The following EDAR variants were observed in gnomAD, a reference collection of about 807,000 sequenced individuals.
EDAR encodes the protein ectodysplasin A receptor.
Under a neutral mutation model 51.3 loss-of-function variants are expected in EDAR, and 38 were observed. The ratio of observed to expected loss-of-function variants is 0.74; its 90% confidence interval spans 0.57 to 0.97. The LOEUF (loss-of-function observed/expected upper bound fraction) is 0.97, where lower values mean the gene tolerates loss of function less well. Ranked by LOEUF, EDAR falls within the 50% of genes least tolerant of loss-of-function variation. EDAR has a pLI of 0.00. For synonymous variants in EDAR, 227 were observed against 242.1 expected, an observed-to-expected ratio of 0.94 and a Z score of 0.58; for missense variants, 528 against 595.0, an observed-to-expected ratio of 0.89 and a Z score of 1.17.
At chr2:108,974,935 G>A (rs1470585054) in intron 1 of EDAR, among the ~76,000 whole-genome samples, 1 of 152,162 alleles carries the variant, frequency 6.6e-6, no homozygotes, top group Non-Finnish European at 1.5e-5. Flanking sequence ...CAGGGCTCTG[G>A]TGGAGATTCA....
chr2:108,961,769 G>A (rs1295516805), intron 1 of EDAR, among the ~76,000 whole-genome samples: 1 of 152,134 alleles, frequency 6.6e-6, no homozygotes, highest in African/African-American at 2.4e-5. Context: ...ATCAGCCCAT[G>A]TGTTGGGTCT....
intron 1 of EDAR, among the ~76,000 whole-genome samples, chr2:108,979,175 G>A (rs1017969933): frequency 2.0e-5 from 3 of 152,196 alleles, no homozygotes; most frequent in Admixed American, 6.5e-5. Context: ...CACTGCCCGA[G>A]TACTTGACCC....
intron 5 of EDAR, among the ~76,000 whole-genome samples, chr2:108,917,314 G>A (rs1251954328): frequency 3.3e-5 from 5 of 152,160 alleles, no homozygotes; most frequent in African/African-American, 7.2e-5. Context: ...AAGTCCAGCC[G>A]GGCAGGAGGA....
At chr2:108,919,460 G>A (rs1475927082) in intron 5 of EDAR, among the ~76,000 whole-genome samples, 2 of 152,152 alleles carry the variant, frequency 1.3e-5, no homozygotes, top group Non-Finnish European at 2.9e-5. Flanking sequence ...CCAGGTTCCA[G>A]TGATTCTCCT....
At chr2:108,925,196 C>T (rs1421846927) in intron 4 of EDAR, among the ~76,000 whole-genome samples, 2 of 151,900 alleles carry the variant, frequency 1.3e-5, no homozygotes, top group East Asian at 1.9e-4. Context: ...CGTCTCTATT[C>T]CTTGGACCTT....
chr2:108,930,691 A>G, intron 2 of EDAR, among the ~76,000 whole-genome samples: 1 of 152,074 alleles, frequency 6.6e-6, no homozygotes, highest in Non-Finnish European at 1.5e-5. Context: ...CATCACATAG[A>G]CACAGGGCTG....
chr2:108,973,730 A>G (rs569754955), intron 1 of EDAR, among the ~76,000 whole-genome samples: 1 of 152,354 alleles, frequency 6.6e-6, no homozygotes, highest in South Asian at 2.1e-4. Flanking sequence ...CAAAACCTGG[A>G]AATTTTTTGG....
At chr2:108,947,769 C>T (rs180862919) in intron 1 of EDAR, among the ~76,000 whole-genome samples, 29 of 152,270 alleles carry the variant, frequency 1.9e-4, no homozygotes, top group South Asian at 1.0e-3. Flanking sequence ...CCCAGGCCTC[C>T]GGGTCTGTGG....
intron 1 of EDAR, among the ~76,000 whole-genome samples, chr2:108,967,337 T>A (rs1352904883): frequency 6.6e-6 from 1 of 152,148 alleles, no homozygotes; most frequent in Non-Finnish European, 1.5e-5. Context: ...AGGCTAGAAT[T>A]TTTTTTACTT....
intron 1 of EDAR, among the ~76,000 whole-genome samples, chr2:108,942,059 C>T (rs965285777): frequency 5.9e-5 from 9 of 152,212 alleles, no homozygotes; most frequent in Non-Finnish European, 1.2e-4. Flanking sequence ...GGGCTTCTTC[C>T]GGAACCTGTG....
At chr2:108,920,239 G>A (rs1043902334) in intron 5 of EDAR, among the ~76,000 whole-genome samples, 2 of 152,180 alleles carry the variant, frequency 1.3e-5, no homozygotes, top group South Asian at 2.1e-4. Flanking sequence ...CACATGCATC[G>A]CCCACGTCAT....
intron 1 of EDAR, among the ~76,000 whole-genome samples, chr2:108,963,108 G>A (rs1427492441): frequency 6.6e-5 from 10 of 152,152 alleles, no homozygotes; most frequent in Admixed American, 6.5e-5. Context: ...TGCAGAGGCC[G>A]CAAACTGCTG....
At chr2:108,983,999 G>A (rs188732588) in intron 1 of EDAR, among the ~76,000 whole-genome samples, 130 of 152,342 alleles carry the variant, frequency 8.5e-4, no homozygotes, top group Non-Finnish European at 1.7e-3. Flanking sequence ...GGGCGACGGC[G>A]ATGTCTGTTG....
chr2:108,973,690 C>G (rs1050481858), intron 1 of EDAR, among the ~76,000 whole-genome samples: 2 of 152,152 alleles, frequency 1.3e-5, no homozygotes, highest in Non-Finnish European at 2.9e-5. Context: ...ACATGGTGAC[C>G]GCTGCCTGTT....
At chr2:108,920,079 G>T (rs1285274068) in intron 5 of EDAR, among the ~76,000 whole-genome samples, 2 of 152,236 alleles carry the variant, frequency 1.3e-5, no homozygotes, top group Non-Finnish European at 2.9e-5. Context: ...GTCCTCATCT[G>T]AATCTCTTTC....
intron 1 of EDAR, among the ~76,000 whole-genome samples, chr2:108,948,444 T>A (rs987895513): frequency 2.0e-5 from 3 of 152,178 alleles, no homozygotes; most frequent in African/African-American, 7.2e-5. Flanking sequence ...CAGTACCAAT[T>A]CTCTGTATTA....
At chr2:108,928,196 C>A (rs1248475638) in intron 4 of EDAR, among the ~76,000 whole-genome samples, 3 of 152,212 alleles carry the variant, frequency 2.0e-5, no homozygotes, top group Non-Finnish European at 4.4e-5. Flanking sequence ...CCAATCAGAG[C>A]CCCAGGCACT....
At chr2:108,906,241 C>T in intron 11 of EDAR, 67 bp downstream of exon 11, 2 of 1,571,352 alleles carry the variant, frequency 1.3e-6, no homozygotes, top group Non-Finnish European at 1.8e-6. Context: ...AGCCTCAGGG[C>T]TCCGGGCCCA....
intron 1 of EDAR, among the ~76,000 whole-genome samples, chr2:108,941,023 C>A (rs1033638071): frequency 1.3e-5 from 2 of 152,170 alleles, no homozygotes; most frequent in African/African-American, 4.8e-5. Context: ...ATCAATCTGC[C>A]CCACGCTGGG....
Sources: gnomAD v4.1 joint callset for allele counts (sites outside exome capture counted in the v4.1 genomes callset) on GRCh38, gnomAD v4.1.1 for gene constraint, MANE v1.5 for transcripts, NCBI Gene and HGNC (gene_info 2026-07-23, HGNC 2026-07-21) for gene names.